Variants in PKD2L1 observed in about 807,000 individuals in gnomAD.
The protein encoded by PKD2L1 is polycystin 2 like 1, transient receptor potential cation channel.
PKD2L1 carries 77 observed loss-of-function variants against 93.0 expected under a neutral mutation model. The observed-to-expected ratio is 0.83, with a 90% CI of 0.69 to 1.00. The LOEUF (loss-of-function observed/expected upper bound fraction) is 1.00. PKD2L1 is among the 50% of genes least tolerant of loss of function. The pLI, the probability that PKD2L1 is intolerant of heterozygous loss-of-function variation, is 0.00. For missense variants in PKD2L1, 977 were observed against 990.9 expected (o/e 0.99, Z 0.19); for synonymous variants, 390 against 388.0 (o/e 1.01, Z -0.06).
intron 2 of PKD2L1, among the ~76,000 whole-genome samples, chr10:100,325,574 C>T (rs1849360056): frequency 6.6e-6 from 1 of 152,158 alleles, no homozygotes. Flanking sequence ...TGGGTGCGGA[C>T]TTTAATTCTC....
chr10:100,307,978 C>G (rs1848844077), intron 2 of PKD2L1, among the ~76,000 whole-genome samples: 1 of 152,168 alleles, frequency 6.6e-6, no homozygotes, highest in African/African-American at 2.4e-5. Flanking sequence ...CAGTACGTCA[C>G]TACCATTTTA....
At position 100,289,003 on chromosome 10, in the gene PKD2L1, G is replaced by C; in HGVS notation, c.2304C>G (p.Asp768Glu). Residue 768 changes from aspartate (D) to glutamate (E), a missense_variant, in exon 15 of 16, where the codon GAC (aspartate) becomes GAG (glutamate). Coordinates refer to ENST00000318222, the MANE Select transcript of PKD2L1 (RefSeq NM_016112.3). Reference sequence around the variant, plus strand: ...CCTGCCCACCCTGGACTCCCCAGGGGTCTGGGGTCACAGCTGGGGCTGGCT... The same window carrying C: ...CCTGCCCACCCTGGACTCCCCAGGGCTCTGGGGTCACAGCTGGGGCTGGCT... ...HPQPAPAVTP[D>E]PWGVQGGQES... is the part of the protein sequence containing the mutation. The C allele has an allele frequency of 6.2e-7, 1 of 1,612,236 alleles. No homozygotes were observed. Among genetic ancestry groups the C allele is most frequent in the Non-Finnish European group, 8.5e-7 (1 of 1,178,744 alleles).
intron 7 of PKD2L1, 127 bp from the exon 8 acceptor site, chr10:100,295,250 A>G: frequency 2.8e-6 from 2 of 706,894 alleles, no homozygotes; most frequent in Admixed American, 4.9e-5. Flanking sequence ...ACACATATTG[A>G]AGAAGGGAGA....
At chr10:100,289,086 TGAAG>T in intron 14 of PKD2L1, 30 bp from the exon 15 acceptor site, 1 of 1,520,754 alleles carries the variant, frequency 6.6e-7, no homozygotes, top group Non-Finnish European at 9.1e-7. Flanking sequence ...ACAAATCATT[TGAAG>T]AAATAGTTTG....
At chr10:100,289,377 T>TA (rs1413154910) in intron 14 of PKD2L1, among the ~76,000 whole-genome samples, 1 of 152,042 alleles carries the variant, frequency 6.6e-6, no homozygotes, top group African/African-American at 2.4e-5. Context: ...CCATCTGTAC[T>TA]AAAAATACAA....
intron 2 of PKD2L1, among the ~76,000 whole-genome samples, chr10:100,326,677 G>C (rs1849386534): frequency 6.6e-6 from 1 of 152,202 alleles, no homozygotes; most frequent in Non-Finnish European, 1.5e-5. Flanking sequence ...ATATATGCCA[G>C]GCACTGAGTT....
Position 100,294,636 on chromosome 10 carries a change from T to G in PKD2L1, c.1558A>C (p.Ile520Leu). 1 of 1,614,002 alleles carries G rather than the reference T, an allele frequency of 6.2e-7. No individual in the cohort carries two copies. Residue 520 changes from isoleucine (I) to leucine (L), a missense_variant, in exon 9 of 16, where the codon ATC (isoleucine) becomes CTC (leucine). Physicochemically the swap from Ile to Leu is conservative, Grantham distance 5. Transcript: ENST00000318222. ...IKCIFTQFRI[I>L]LGDFDYNAID... ...GCATTGTAGTCAAAGTCCCCGAGGA[T>G]TATCCGGAACTGAGTGAAACTGAGA...
At chr10:100,329,828 T>A in intron 1 of PKD2L1, 41 bp downstream of exon 1, 10 of 1,334,856 alleles carry the variant, frequency 7.5e-6, no homozygotes, top group South Asian at 1.3e-5. Flanking sequence ...TGACTCCTCC[T>A]GATTCTAATA....
At position 100,294,406 on chromosome 10, in the gene PKD2L1, A is replaced by T. The variant is rs542719203; in HGVS notation, c.1659+129T>A. 207 of 964,280 alleles carry T rather than the reference A, an allele frequency of 2.1e-4. 2 individuals are homozygous for T. In the African/African-American group the frequency reaches 3.2e-3, roughly 15 times the overall value. The allele number at this position is 964,280 out of a possible 1,614,324, so 59.7% of individuals were successfully genotyped here. A position where few individuals can be genotyped will look rare whatever the true frequency, so the allele number is the denominator to read the frequency against. ...ATTAACCATCTCTCAGAAGATCCAG[A>T]CATCGGCCCCCCCACTCACTCTCCA... On this transcript the variant is annotated intron_variant, in intron 9 of 15. Coordinates refer to ENST00000318222, the MANE Select transcript of PKD2L1 (RefSeq NM_016112.3).
chr10:100,304,425 C>T (rs1211827831), intron 2 of PKD2L1, among the ~76,000 whole-genome samples: 2 of 152,186 alleles, frequency 1.3e-5, no homozygotes, highest in Non-Finnish European at 2.9e-5. Context: ...ATTCATTAAA[C>T]AAACATTATT....
chr10:100,313,802 G>C (rs942873378), intron 2 of PKD2L1, among the ~76,000 whole-genome samples: 5 of 152,136 alleles, frequency 3.3e-5, no homozygotes, highest in African/African-American at 1.2e-4. Flanking sequence ...GTTTCATGAA[G>C]TGTTGCAAAA....
intron 13 of PKD2L1, 71 bp from the exon 14 acceptor site, chr10:100,290,209 G>A (rs1194974662): frequency 6.3e-7 from 1 of 1,588,444 alleles, no homozygotes; most frequent in Non-Finnish European, 8.6e-7. Flanking sequence ...AAAGAGCCAG[G>A]GTTCACAGAA....
intron 2 of PKD2L1, among the ~76,000 whole-genome samples, chr10:100,318,471 C>T (rs951154060): frequency 6.6e-6 from 1 of 152,064 alleles, no homozygotes; most frequent in African/African-American, 2.4e-5. Flanking sequence ...AGCAGTACTC[C>T]AGCCTGGCCT....
chr10:100,290,478 A>G lies in PKD2L1; in HGVS notation c.2049T>C (p.Ile683=). The change falls in exon 13 of 16, where the codon ATT becomes ATC. Residue 683 remains isoleucine, a synonymous_variant. Transcript: ENST00000318222. ...CCGATTTGCCTTGTGGGCTGCTCAC[A>G]ATAGATCGGCCTAGTTTCTCAATCT... ...NTEIEKLGRS[I]VSSPQGKSGP... 2 of 1,613,716 alleles carry G rather than the reference A, an allele frequency of 1.2e-6. No individual in the cohort carries two copies. The highest frequency in any genetic ancestry group is 1.7e-6 in the Non-Finnish European group (2 of 1,179,992).
intron 2 of PKD2L1, among the ~76,000 whole-genome samples, chr10:100,312,609 G>C (rs147532634): frequency 6.6e-6 from 1 of 152,130 alleles, no homozygotes; most frequent in East Asian, 1.9e-4. Context: ...CTGGAGATAG[G>C]AGTAGAGGAC....
intron 7 of PKD2L1, 74 bp downstream of exon 7, chr10:100,296,048 A>AAT: frequency 2.2e-6 from 3 of 1,362,784 alleles, no homozygotes; most frequent in Non-Finnish European, 3.0e-6. Context: ...AAAAAAAAAA[A>AAT]GAAAAAAAAG....
intron 2 of PKD2L1, among the ~76,000 whole-genome samples, chr10:100,314,837 C>T (rs1045329606): frequency 3.3e-5 from 5 of 151,700 alleles, no homozygotes; most frequent in Non-Finnish European, 7.4e-5. Flanking sequence ...GAGTTCAAGA[C>T]CAGCCTGGCC....
chr10:100,317,530 C>T (rs1849127493), intron 2 of PKD2L1, among the ~76,000 whole-genome samples: 1 of 152,022 alleles, frequency 6.6e-6, no homozygotes, highest in African/African-American at 2.4e-5. Flanking sequence ...AGGGTGAGAC[C>T]CTATCTCAAA....
intron 2 of PKD2L1, among the ~76,000 whole-genome samples, chr10:100,327,910 T>A (rs1302115348): frequency 6.6e-6 from 1 of 152,216 alleles, no homozygotes; most frequent in Non-Finnish European, 1.5e-5. Flanking sequence ...CCAGCTTTCC[T>A]AGAGGGCTTG....
Sources: allele counts gnomAD v4.1 joint callset (sites outside exome capture counted in the v4.1 genomes callset), GRCh38; gene constraint gnomAD v4.1.1; transcripts MANE v1.5; gene names NCBI Gene and HGNC (gene_info 2026-07-23, HGNC 2026-07-21).